Variants in MTMR12 observed in about 807,000 individuals in gnomAD.
MTMR12 encodes myotubularin-related protein 12.
Under a neutral mutation model 96.7 loss-of-function variants are expected in MTMR12, and 33 were observed. The ratio of observed to expected loss-of-function variants is 0.34; its 90% CI spans 0.26 to 0.46. The LOEUF is 0.46. Ranked by LOEUF, MTMR12 falls within the 20% of genes least tolerant of loss-of-function variation. The pLI is 1.00. For missense variants in MTMR12, 721 were observed against 896.1 expected (o/e 0.80, Z 2.49); for synonymous variants, 298 against 327.2 (o/e 0.91, Z 0.96).
At chr5:32,246,171 T>TTTTTTTTTTTTTGG (rs1240355563) in intron 10 of MTMR12, among the ~76,000 whole-genome samples, 1 of 123,484 alleles carries the variant, frequency 8.1e-6, no homozygotes, top group African/African-American at 3.9e-5. Context: ...GAGTAGACAG[T>TTTTTTTTTTTTTGG]TTTTTTTTTT....
Position 32,228,599 on chromosome 5 carries a change from T to TATCAC in MTMR12, c.*1178_*1179insGTGAT, listed in dbSNP as rs1554053429. The TATCAC allele has an allele frequency of 2.4e-5, 3 of 126,952 alleles. No individual in the cohort carries two copies. Among genetic ancestry groups the TATCAC allele is most frequent in the African/African-American group, 5.8e-5 (2 of 34,608 alleles). 7.9% of individuals were successfully genotyped at this position (126,952 alleles called of 1,614,324 possible). A position where few individuals can be genotyped will look rare whatever the true frequency, so the allele number is the denominator to read the frequency against. ...ATATATCATATATATGTGATATATA[T>TATCAC]ATATATATCATATATATGATATATA... is the stretch of plus-strand genomic sequence containing the variant. On this transcript the variant is annotated 3_prime_UTR_variant, in exon 16 of 16. Coordinates refer to ENST00000382142, the MANE Select transcript of MTMR12 (RefSeq NM_001040446.3).
At chr5:32,235,281 A>G (rs1748173759) in intron 13 of MTMR12, 152 bp from the exon 14 acceptor site, 3 of 629,986 alleles carry the variant, frequency 4.8e-6, no homozygotes, top group Non-Finnish European at 7.8e-6. Flanking sequence ...ATCCCAAGTG[A>G]GAAATATGCT....
At chr5:32,253,917 C>A (rs1421565199) in intron 8 of MTMR12, among the ~76,000 whole-genome samples, 5 of 152,264 alleles carry the variant, frequency 3.3e-5, no homozygotes, top group Admixed American at 2.6e-4. Flanking sequence ...AGCCACTACG[C>A]CCTGCATTTC....
At chr5:32,237,264 T>A (rs1480279870) in intron 13 of MTMR12, among the ~76,000 whole-genome samples, 1 of 152,252 alleles carries the variant, frequency 6.6e-6, no homozygotes, top group Non-Finnish European at 1.5e-5. Flanking sequence ...GTTTTCATTT[T>A]TCCTTCCAAC....
intron 1 of MTMR12, among the ~76,000 whole-genome samples, chr5:32,303,148 T>C (rs1482930675): frequency 6.6e-6 from 1 of 152,242 alleles, no homozygotes; most frequent in East Asian, 1.9e-4. Context: ...CATCTAAGTA[T>C]CCTGTGCTAG....
At chr5:32,284,756 C>T (rs1750458186) in intron 1 of MTMR12, among the ~76,000 whole-genome samples, 1 of 152,154 alleles carries the variant, frequency 6.6e-6, no homozygotes, top group Non-Finnish European at 1.5e-5. Flanking sequence ...CACTAACTAT[C>T]ATGTTCAATG....
intron 11 of MTMR12, among the ~76,000 whole-genome samples, chr5:32,242,800 T>C (rs1748535882): frequency 6.6e-6 from 1 of 152,032 alleles, no homozygotes; most frequent in African/African-American, 2.4e-5. Flanking sequence ...CCATTATATA[T>C]TCAAATTATG....
chr5:32,300,289 T>C (rs1396552528), intron 1 of MTMR12, among the ~76,000 whole-genome samples: 1 of 152,120 alleles, frequency 6.6e-6, no homozygotes, highest in Admixed American at 6.6e-5. Context: ...TTATTTCTTC[T>C]CATCCTCTAA....
intron 1 of MTMR12, among the ~76,000 whole-genome samples, chr5:32,303,338 T>C (rs1236777921): frequency 1.3e-5 from 2 of 152,172 alleles, no homozygotes; most frequent in African/African-American, 2.4e-5. Flanking sequence ...AGAGTTGCGA[T>C]ACGGGAGGTA....
At chr5:32,274,161 G>A (rs748880262) in intron 2 of MTMR12, 39 bp from the exon 3 acceptor site, 26 of 1,601,798 alleles carry the variant, frequency 1.6e-5, no homozygotes, top group East Asian at 6.7e-5. Context: ...AGAGTTCTCA[G>A]GGAACATACG....
chr5:32,273,998 T>C lies in MTMR12; in HGVS notation c.267A>G (p.Glu89=). The change falls in exon 3 of 16, where the codon GAA becomes GAG. Residue 89 remains glutamate, a synonymous_variant. Transcript: ENST00000382142. Reference sequence around the variant, plus strand: ...TACATACATCATTATCCAATGCAGATTCATCATCACCCAAGAAGGCAATCT... The same window carrying C: ...TACATACATCATTATCCAATGCAGACTCATCATCACCCAAGAAGGCAATCT... ...DFKIAFLGDD[E]SALDNDETQF... 2 of 1,614,158 alleles carry C rather than the reference T, an allele frequency of 1.2e-6. No homozygotes were observed. The highest frequency in any genetic ancestry group is 1.1e-5 in the South Asian group (1 of 91,084).
At chr5:32,273,936 C>T (rs2112088862) in intron 3 of MTMR12, 44 bp downstream of exon 3, 1 of 1,610,698 alleles carries the variant, frequency 6.2e-7, no homozygotes, top group Non-Finnish European at 8.5e-7. Flanking sequence ...GAACCACAAC[C>T]ACACTGTTGC....
chr5:32,302,576 G>T (rs1372221485), intron 1 of MTMR12, among the ~76,000 whole-genome samples: 1 of 152,094 alleles, frequency 6.6e-6, no homozygotes, highest in Admixed American at 6.6e-5. Context: ...AATTAGCCAG[G>T]CATGGTGGCA....
chr5:32,242,182 A>G (rs1748501782), intron 11 of MTMR12, 55 bp from the exon 12 acceptor site: 2 of 1,337,234 alleles, frequency 1.5e-6, no homozygotes, highest in Non-Finnish European at 2.1e-6. Context: ...TTGGTAACAC[A>G]AACACTACGT....
chr5:32,300,140 A>C (rs1250918265), intron 1 of MTMR12, among the ~76,000 whole-genome samples: 4 of 152,174 alleles, frequency 2.6e-5, no homozygotes, highest in African/African-American at 9.7e-5. Context: ...TCCTAATTTT[A>C]ATAGTGCTTA....
chr5:32,286,291 T>A (rs1413013696), intron 1 of MTMR12, among the ~76,000 whole-genome samples: 1 of 152,082 alleles, frequency 6.6e-6, no homozygotes, highest in African/African-American at 2.4e-5. Context: ...CAGTGAGCTG[T>A]GATTATGCCA....
Position 32,235,002 on chromosome 5 carries a change from G to T in MTMR12, c.1472C>A (p.Thr491Asn), listed in dbSNP as rs1021540591. Residue 491 changes from threonine to asparagine, a missense_variant, in exon 14 of 16, where the codon ACC becomes AAC. Coordinates refer to ENST00000382142, the MANE Select transcript of MTMR12 (RefSeq NM_001040446.3). ...TTGATGAGGTGAATTGAAGAAGAAGGTGCTAAAAATAGGTATATACAGGCT... is the reference window on the plus strand; with the variant it reads ...TTGATGAGGTGAATTGAAGAAGAAGTTGCTAAAAATAGGTATATACAGGCT... ...SDSLYIPIFS[T>N]FFFNSPHQKD... 6 of 1,613,618 alleles carry T rather than the reference G, an allele frequency of 3.7e-6. No individual in the cohort carries two copies. The highest frequency in any genetic ancestry group is 5.1e-6 in the Non-Finnish European group (6 of 1,179,668).
At chr5:32,270,380 T>TC (rs1034599792) in intron 5 of MTMR12, among the ~76,000 whole-genome samples, 1 of 152,198 alleles carries the variant, frequency 6.6e-6, no homozygotes, top group African/African-American at 2.4e-5. Flanking sequence ...CCTGTGTACT[T>TC]CCTCCTTTCC....
At chr5:32,270,990 C>T in intron 4 of MTMR12, 43 bp from the exon 5 acceptor site, 2 of 1,576,166 alleles carry the variant, frequency 1.3e-6, no homozygotes, top group Non-Finnish European at 1.7e-6. Flanking sequence ...TTATGTTACA[C>T]AGCAATAAGT....
Sources: gnomAD v4.1 joint callset for allele counts (sites outside exome capture counted in the v4.1 genomes callset) on GRCh38, gnomAD v4.1.1 for gene constraint, MANE v1.5 for transcripts, NCBI Gene and HGNC (gene_info 2026-07-23, HGNC 2026-07-21) for gene names.